LRMDA: variants seen among roughly 807,000 people sequenced by gnomAD.
The protein encoded by LRMDA is leucine-rich melanocyte differentiation-associated protein.
In LRMDA, 18 loss-of-function variants were observed where a neutral mutation model predicts 29.8. The observed-to-expected ratio is 0.60, with a 90% confidence interval of 0.42 to 0.90. The LOEUF (loss-of-function observed/expected upper bound fraction) is 0.90. Among genes scored for constraint, LRMDA ranks in the 40% least tolerant of loss-of-function variants. The probability of loss-of-function intolerance (pLI) is 0.00; values close to 1 mark genes in which losing one functional copy is unlikely to be tolerated. For synonymous variants in LRMDA, 125 were observed against 109.4 expected (o/e 1.14, Z -0.89); for missense variants, 273 against 273.9 (o/e 1.00, Z 0.02).
At chr10:75,546,943 C>T (rs1840087840) in intron 2 of LRMDA, among the ~76,000 whole-genome samples, 2 of 152,188 alleles carry the variant, frequency 1.3e-5, no homozygotes, top group East Asian at 3.9e-4. Context: ...GATGGAAAAA[C>T]TTAGGTTTAG....
chr10:76,326,966 T>C (rs1032791943), intron 6 of LRMDA, among the ~76,000 whole-genome samples: 3 of 152,228 alleles, frequency 2.0e-5, no homozygotes, highest in African/African-American at 7.2e-5. Flanking sequence ...GTATGTCTGA[T>C]ATTTGTTTCT....
At chr10:76,317,395 C>T (rs959404165) in intron 5 of LRMDA, among the ~76,000 whole-genome samples, 1 of 152,090 alleles carries the variant, frequency 6.6e-6, no homozygotes, top group African/African-American at 2.4e-5. Context: ...CTTTTTTCAT[C>T]TCTCCTCAAC....
chr10:75,853,126 C>G (rs1053559540), intron 2 of LRMDA, among the ~76,000 whole-genome samples: 1 of 152,116 alleles, frequency 6.6e-6, no homozygotes, highest in Non-Finnish European at 1.5e-5. Flanking sequence ...TCCCACGACA[C>G]ATGGGGATTA....
intron 2 of LRMDA, among the ~76,000 whole-genome samples, chr10:75,730,546 A>T (rs1435432703): frequency 6.6e-6 from 1 of 152,176 alleles, no homozygotes; most frequent in African/African-American, 2.4e-5. Context: ...TGCAGTCTGG[A>T]TGGATTGCAT....
At chr10:75,639,801 T>G (rs1841429644) in intron 2 of LRMDA, among the ~76,000 whole-genome samples, 1 of 152,212 alleles carries the variant, frequency 6.6e-6, no homozygotes, top group Non-Finnish European at 1.5e-5. Flanking sequence ...TAGGTCCATC[T>G]TGGTGGCATC....
At chr10:75,761,019 C>T (rs550442572) in intron 2 of LRMDA, among the ~76,000 whole-genome samples, 2 of 152,290 alleles carry the variant, frequency 1.3e-5, no homozygotes, top group South Asian at 2.1e-4. Flanking sequence ...AGAAATCTTA[C>T]TGTTCTAGGC....
At chr10:76,013,922 C>A (rs895587535) in intron 2 of LRMDA, among the ~76,000 whole-genome samples, 9 of 150,916 alleles carry the variant, frequency 6.0e-5, no homozygotes, top group South Asian at 2.1e-4. Context: ...GCTGCTTGAA[C>A]CTTCTCAGCC....
intron 3 of LRMDA, among the ~76,000 whole-genome samples, chr10:76,046,648 C>T (rs907442873): frequency 6.6e-6 from 1 of 152,120 alleles, no homozygotes; most frequent in Non-Finnish European, 1.5e-5. Context: ...TCATGCCCAG[C>T]TAATTTTTGT....
chr10:75,683,703 A>G (rs1224424291), intron 2 of LRMDA, among the ~76,000 whole-genome samples: 2 of 152,108 alleles, frequency 1.3e-5, no homozygotes. Flanking sequence ...TCTGGAGTTT[A>G]TTATCATGGT....
At chr10:76,489,420 A>G (rs899957874) in intron 6 of LRMDA, among the ~76,000 whole-genome samples, 15 of 151,642 alleles carry the variant, frequency 9.9e-5, no homozygotes, top group African/African-American at 3.6e-4. Context: ...TTCTTAATCT[A>G]GCTAAAGGTT....
chr10:75,445,191 A>AC (rs1391204438), intron 2 of LRMDA, among the ~76,000 whole-genome samples: 1 of 151,870 alleles, frequency 6.6e-6, no homozygotes, highest in East Asian at 1.9e-4. Context: ...TGATCCTCTA[A>AC]CCTCAGCCAA....
At position 76,398,659 on chromosome 10, in the gene LRMDA, T is replaced by G. The variant is rs141050097; in HGVS notation, c.601+74174T>G. 2.6e-5 allele frequency among the ~76,000 whole-genome samples: 4 copies of G among 152,366 alleles called. No individual in the cohort carries two copies. In the East Asian group the frequency reaches 7.7e-4, roughly 29 times the overall value. ...TTTTCATTCAAATTACATTCAGACA[T>G]TCAATCAACATTGATTATGATATGG... On this transcript the variant is annotated intron_variant, in intron 6 of 6. Transcript: ENST00000611255.
intron 2 of LRMDA, among the ~76,000 whole-genome samples, chr10:75,748,934 A>G (rs1029959285): frequency 1.4e-4 from 22 of 152,160 alleles, no homozygotes; most frequent in African/African-American, 5.1e-4. Flanking sequence ...CACATACAGA[A>G]TTATACATAC....
chr10:76,358,669 G>C (rs754614895), intron 6 of LRMDA, among the ~76,000 whole-genome samples: 2 of 152,104 alleles, frequency 1.3e-5, no homozygotes, highest in Non-Finnish European at 2.9e-5. Flanking sequence ...TTAAAATGCT[G>C]GTGAAATAAT....
chr10:75,631,335 G>T (rs1841319296), intron 2 of LRMDA, among the ~76,000 whole-genome samples: 1 of 151,970 alleles, frequency 6.6e-6, no homozygotes, highest in African/African-American at 2.4e-5. Flanking sequence ...TTCTTTTGCA[G>T]TTTCTCTATC....
chr10:75,817,251 C>T (rs1392099128), intron 2 of LRMDA, among the ~76,000 whole-genome samples: 1 of 152,226 alleles, frequency 6.6e-6, no homozygotes, highest in African/African-American at 2.4e-5. Flanking sequence ...CAATTGGACC[C>T]ATGCCTAACA....
chr10:75,987,819 T>A (rs1847287046), intron 2 of LRMDA, among the ~76,000 whole-genome samples: 1 of 152,084 alleles, frequency 6.6e-6, no homozygotes, highest in African/African-American at 2.4e-5. Flanking sequence ...CCCAGCCCCA[T>A]GACAAATGCC....
chr10:75,602,856 A>G (rs1200792707), intron 2 of LRMDA, among the ~76,000 whole-genome samples: 6 of 152,224 alleles, frequency 3.9e-5, no homozygotes, highest in African/African-American at 1.4e-4. Flanking sequence ...GTCTGTTCTC[A>G]AAAGCCAAGC....
chr10:76,159,130 A>C (rs1320502708), intron 5 of LRMDA, among the ~76,000 whole-genome samples: 1 of 152,180 alleles, frequency 6.6e-6, no homozygotes. Context: ...TTATTTTTTA[A>C]TTTGGAAAAA....
Sources: gnomAD v4.1 joint callset for allele counts (sites outside exome capture counted in the v4.1 genomes callset) on GRCh38, gnomAD v4.1.1 for gene constraint, MANE v1.5 for transcripts, NCBI Gene and HGNC (gene_info 2026-07-23, HGNC 2026-07-21) for gene names.